The following R3HCC1L variants were observed in gnomAD, a reference collection of about 807,000 sequenced individuals.
R3HCC1L encodes coiled-coil domain-containing protein R3HCC1L.
In R3HCC1L, 51 loss-of-function variants were observed where a neutral mutation model predicts 59.9. The ratio of observed to expected loss-of-function variants is 0.85; its 90% CI spans 0.68 to 1.07. The LOEUF (loss-of-function observed/expected upper bound fraction) is 1.07, where lower values mean the gene tolerates loss of function less well. R3HCC1L is among the 50% of genes least tolerant of loss of function. The probability of loss-of-function intolerance (pLI) is 0.00; values close to 1 mark genes in which losing one functional copy is unlikely to be tolerated. For missense variants in R3HCC1L, 965 were observed against 933.0 expected (o/e 1.03, Z -0.45); for synonymous variants, 322 against 315.2 (o/e 1.02, Z -0.23).
intron 2 of R3HCC1L, among the ~76,000 whole-genome samples, chr10:98,161,181 A>G (rs1847374597): frequency 6.6e-6 from 1 of 152,210 alleles, no homozygotes; most frequent in South Asian, 2.1e-4. Context: ...CAACCTCATC[A>G]TCAGAGTGTG....
At chr10:98,235,392 A>G in intron 7 of R3HCC1L, 33 bp from the exon 8 acceptor site, 3 of 1,573,650 alleles carry the variant, frequency 1.9e-6, no homozygotes, top group Non-Finnish European at 2.6e-6. Flanking sequence ...ACTCTACTTC[A>G]TGTCTTCTGC....
chr10:98,185,947 A>G (rs984021677), intron 4 of R3HCC1L, among the ~76,000 whole-genome samples: 2 of 152,184 alleles, frequency 1.3e-5, no homozygotes, highest in African/African-American at 4.8e-5. Context: ...CATTAGAGAT[A>G]GGGACAACCA....
intron 4 of R3HCC1L, among the ~76,000 whole-genome samples, chr10:98,187,383 G>A (rs969537031): frequency 6.6e-6 from 1 of 151,058 alleles, no homozygotes; most frequent in Non-Finnish European, 1.5e-5. Flanking sequence ...TATCAGCCAT[G>A]TAAGGTTTTT....
chr10:98,220,151 A>G (rs544682580), intron 5 of R3HCC1L, among the ~76,000 whole-genome samples: 22 of 152,050 alleles, frequency 1.4e-4, no homozygotes, highest in African/African-American at 3.9e-4. Context: ...CTAGTCTGCT[A>G]TTGCCCTCAA....
intron 6 of R3HCC1L, among the ~76,000 whole-genome samples, chr10:98,233,233 C>T (rs1487958945): frequency 6.6e-6 from 1 of 152,102 alleles, no homozygotes; most frequent in Non-Finnish European, 1.5e-5. Context: ...CTCTTACAAA[C>T]TATTTACTTC....
Position 98,209,526 on chromosome 10 carries a change from C to A in R3HCC1L, c.1412C>A (p.Ser471Tyr). The change falls in exon 5 of 10, where the codon TCC becomes TAC. Residue 471 changes from serine (S) to tyrosine (Y), a missense_variant. By Grantham distance (144) the Ser-to-Tyr change is moderately radical. Coordinates refer to ENST00000298999, the MANE Select transcript of R3HCC1L (RefSeq NM_001351015.2). ...KLIESLSDCASSLPIKKIAGS... is the reference protein window; with the variant it reads ...KLIESLSDCAYSLPIKKIAGS... ...ATAGAGAGCTTGTCAGATTGTGCTT[C>A]CTCCTTACCTATAAAAAAGATTGCT... The A allele has an allele frequency of 2.5e-6, 4 of 1,613,862 alleles. No individual in the cohort carries two copies. Among genetic ancestry groups the A allele is most frequent in the Non-Finnish European group, 3.4e-6 (4 of 1,179,952 alleles).
intron 4 of R3HCC1L, among the ~76,000 whole-genome samples, chr10:98,168,157 G>T (rs991987623): frequency 6.6e-6 from 1 of 152,004 alleles, no homozygotes; most frequent in Non-Finnish European, 1.5e-5. Context: ...GCCCCCTACC[G>T]CCAGTTACAT....
intron 5 of R3HCC1L, among the ~76,000 whole-genome samples, chr10:98,217,043 A>G (rs1854289891): frequency 6.6e-6 from 1 of 152,218 alleles, no homozygotes; most frequent in Non-Finnish European, 1.5e-5. Flanking sequence ...GTTGAATTTA[A>G]AACCAAAATG....
At chr10:98,231,031 A>T (rs774957332) in intron 5 of R3HCC1L, 2 of 424,010 alleles carry the variant, frequency 4.7e-6, no homozygotes, top group South Asian at 3.5e-5. Context: ...TAATACATTC[A>T]ACAAAAAGTG....
At chr10:98,230,786 G>A (rs1236960116) in intron 5 of R3HCC1L, among the ~76,000 whole-genome samples, 1 of 152,182 alleles carries the variant, frequency 6.6e-6, no homozygotes, top group Non-Finnish European at 1.5e-5. Context: ...TGACTGTCAT[G>A]GCTTTGCTGC....
chr10:98,235,918 G>C, intron 8 of R3HCC1L, 106 bp from the exon 9 acceptor site: 2 of 1,272,008 alleles, frequency 1.6e-6, no homozygotes, highest in South Asian at 2.8e-5. Flanking sequence ...TGCTGATGCA[G>C]CCCTTGTTAG....
intron 9 of R3HCC1L, among the ~76,000 whole-genome samples, chr10:98,238,616 G>T (rs1157454997): frequency 6.6e-6 from 1 of 152,058 alleles, no homozygotes; most frequent in Non-Finnish European, 1.5e-5. Flanking sequence ...CTGGCCTAAG[G>T]TCACCCAGCT....
chr10:98,184,477 T>G (rs547042928), intron 4 of R3HCC1L, among the ~76,000 whole-genome samples: 20 of 152,312 alleles, frequency 1.3e-4, no homozygotes, highest in Admixed American at 1.2e-3. Context: ...CTAAGACCAA[T>G]AATATACCAT....
chr10:98,158,328 C>G (rs1847082097), intron 2 of R3HCC1L, among the ~76,000 whole-genome samples: 1 of 152,166 alleles, frequency 6.6e-6, no homozygotes, highest in South Asian at 2.1e-4. Flanking sequence ...ATTATATTCT[C>G]ATTAATAATA....
chr10:98,225,875 C>T lies in R3HCC1L; in HGVS notation c.1786-5637C>T, dbSNP rs556143440. 4.5e-4 allele frequency among the ~76,000 whole-genome samples: 68 copies of T among 152,092 alleles called. 1 individual carries two copies. Among genetic ancestry groups the T allele is most frequent in the Admixed American group, 3.3e-3 (51 of 15,278 alleles). On this transcript the variant is annotated intron_variant, in intron 5 of 9. Transcript: ENST00000298999. ...TTTTTTTTGGTACAAAGTCTTGGCT[C>T]GGTAACCCAGGTTGGAGTGTAGTGG...
chr10:98,216,568 G>A (rs1006543180), intron 5 of R3HCC1L, among the ~76,000 whole-genome samples: 2 of 151,952 alleles, frequency 1.3e-5, no homozygotes, highest in Admixed American at 6.6e-5. Context: ...TTTTTTGTTC[G>A]TCTGTTTTTT....
chr10:98,213,874 G>T lies in R3HCC1L; in HGVS notation c.1785+3975G>T. On this transcript the variant is annotated intron_variant, in intron 5 of 9. Coordinates refer to ENST00000298999, the MANE Select transcript of R3HCC1L (RefSeq NM_001351015.2). ...TTGACATGTTATTGACTGCCTAAGT[G>T]GGGATTTATTGACTCACTTTCCAGA... Among the ~76,000 whole-genome samples the T allele has an allele frequency of 1.3e-5, 2 of 152,088 alleles. 1 individual carries two copies. Among genetic ancestry groups the T allele is most frequent in the Non-Finnish European group, 2.9e-5 (2 of 67,988 alleles).
rs754661918 is a variant in R3HCC1L at position 98,208,875 on chromosome 10, A to C, written c.761A>C (p.Asp254Ala). ...GTACAACAAAGCATGCAAACATCAG[A>C]TGGAATATTGAATCCCAGCAGCGGA... Reference protein sequence around the residue: ...EIVQQSMQTSDGILNPSSGGI... With the variant: ...EIVQQSMQTSAGILNPSSGGI... The change falls in exon 5 of 10, where the codon GAT becomes GCT. Residue 254 changes from aspartate (D) to alanine (A), a missense_variant. Physicochemically the swap from Asp to Ala is moderately radical, Grantham distance 126. Coordinates refer to ENST00000298999, the MANE Select transcript of R3HCC1L (RefSeq NM_001351015.2). 6.2e-7 allele frequency: 1 copy of C among 1,614,172 alleles called. No homozygotes were observed.
intron 4 of R3HCC1L, among the ~76,000 whole-genome samples, chr10:98,189,143 G>A (rs1214365869): frequency 2.6e-5 from 4 of 152,110 alleles, no homozygotes; most frequent in Admixed American, 2.0e-4. Context: ...GGACACTCTG[G>A]AATTTGCATT....
Sources: allele counts gnomAD v4.1 joint callset (sites outside exome capture counted in the v4.1 genomes callset), GRCh38; gene constraint gnomAD v4.1.1; transcripts MANE v1.5; gene names NCBI Gene and HGNC (gene_info 2026-07-23, HGNC 2026-07-21).